Variants in RGS22 observed in about 807,000 individuals in gnomAD.
The protein encoded by RGS22 is regulator of G-protein signaling 22.
A neutral mutation model predicts 172.9 loss-of-function variants in RGS22; 148 were observed. That is an observed-to-expected ratio of 0.86 (90% CI 0.75 to 0.98). The LOEUF is 0.98. Ranked by LOEUF, RGS22 falls within the 50% of genes least tolerant of loss-of-function variation. The pLI is 0.00. For synonymous variants in RGS22, 458 were observed against 480.2 expected, an observed-to-expected ratio of 0.95 and a Z score of 0.60; for missense variants, 1,347 against 1,440.8, an observed-to-expected ratio of 0.93 and a Z score of 1.05.
chr8:100,012,061 A>C (rs1017622890), intron 14 of RGS22, among the ~76,000 whole-genome samples: 2 of 151,930 alleles, frequency 1.3e-5, no homozygotes, highest in Non-Finnish European at 2.9e-5. Context: ...GTTAGCTTAA[A>C]GACAGGAGAC....
intron 4 of RGS22, among the ~76,000 whole-genome samples, chr8:100,076,992 CA>C (rs1042538946): frequency 2.1e-5 from 3 of 141,738 alleles, no homozygotes; most frequent in Non-Finnish European, 4.6e-5. Context: ...GACCCTGTCT[CA>C]AAAAAAAAGA....
intron 14 of RGS22, among the ~76,000 whole-genome samples, chr8:100,011,397 C>T (rs996824744): frequency 6.6e-5 from 10 of 152,130 alleles, no homozygotes; most frequent in African/African-American, 2.2e-4. Flanking sequence ...AGCCTCTTAA[C>T]TGGTCTTCCC....
At chr8:100,027,187 G>A (rs966531873) in intron 14 of RGS22, among the ~76,000 whole-genome samples, 6 of 152,078 alleles carry the variant, frequency 3.9e-5, no homozygotes, top group African/African-American at 1.2e-4. Context: ...AGCCGTGATC[G>A]TGAGCCACTG....
chr8:100,103,307 G>C (rs1813649709), intron 2 of RGS22, among the ~76,000 whole-genome samples: 1 of 152,226 alleles, frequency 6.6e-6, no homozygotes, highest in African/African-American at 2.4e-5. Flanking sequence ...CCAAAGTCCA[G>C]ACCCAGGGTG....
At position 100,002,382 on chromosome 8, in the gene RGS22, A is replaced by C; in HGVS notation, c.2628-18T>G. The C allele has an allele frequency of 6.3e-7, 1 of 1,590,452 alleles. No homozygotes were observed. Among genetic ancestry groups the C allele is most frequent in the Non-Finnish European group, 8.5e-7 (1 of 1,173,384 alleles). On this transcript the variant is annotated intron_variant, in intron 17 of 27. Transcript: ENST00000360863. ...GATCCATGCTAAAATGAAAACAAAA[A>C]CAATGTATAGCTCTTCATATTTCTT...
chr8:100,056,059 C>T (rs576355457), intron 9 of RGS22, among the ~76,000 whole-genome samples: 3 of 152,004 alleles, frequency 2.0e-5, no homozygotes, highest in Non-Finnish European at 4.4e-5. Flanking sequence ...ATGGGATTGA[C>T]CAAAATGGTG....
At chr8:100,071,335 G>A in intron 6 of RGS22, 34 bp downstream of exon 6, 1 of 1,539,090 alleles carries the variant, frequency 6.5e-7, no homozygotes, top group Non-Finnish European at 8.8e-7. Flanking sequence ...TGTTAGTGAA[G>A]CGCTAAGTCA....
intron 4 of RGS22, among the ~76,000 whole-genome samples, chr8:100,073,722 A>AT (rs1194667222): frequency 1.3e-5 from 2 of 152,260 alleles, no homozygotes; most frequent in African/African-American, 4.8e-5. Flanking sequence ...TAAACCCTTA[A>AT]AGAATTCTAT....
In RGS22 at chr8:100,058,184, A is replaced by AC. The variant is rs1279844146; in HGVS notation, c.1514+4406_1514+4407insG. ...ACACAGAGGAGACAAAAAAAAAAAA[A>AC]AACAACAACAATAAAGCATGCCTAA... On this transcript the variant is annotated intron_variant, in intron 9 of 27. Transcript: ENST00000360863. Among the ~76,000 whole-genome samples, 696 of 149,726 alleles carry AC rather than the reference A, an allele frequency of 4.6e-3. 3 individuals carry two copies. The highest frequency in any genetic ancestry group is 6.2e-3 in the Non-Finnish European group (419 of 67,470).
intron 3 of RGS22, among the ~76,000 whole-genome samples, chr8:100,087,506 G>A (rs1812251509): frequency 2.0e-5 from 3 of 151,948 alleles, no homozygotes; most frequent in South Asian, 4.2e-4. Flanking sequence ...TTTGAAAAGG[G>A]GAGAGAAAAA....
chr8:100,003,867 T>A, intron 17 of RGS22, 59 bp downstream of exon 17: 1 of 1,386,670 alleles, frequency 7.2e-7, no homozygotes, highest in Non-Finnish European at 9.7e-7. Flanking sequence ...ATATGTTGAA[T>A]CAAAAATAGT....
chr8:100,057,057 T>A (rs1809696279), intron 9 of RGS22, among the ~76,000 whole-genome samples: 1 of 152,324 alleles, frequency 6.6e-6, no homozygotes, highest in South Asian at 2.1e-4. Context: ...TGAACCCACC[T>A]CTCAGATCAG....
intron 3 of RGS22, chr8:100,080,664 C>A: frequency 4.1e-6 from 1 of 241,262 alleles, no homozygotes; most frequent in Non-Finnish European, 8.0e-6. Context: ...CCTGGCTCTA[C>A]AAAGCAATGT....
At chr8:100,084,701 C>T (rs1233289805) in intron 3 of RGS22, among the ~76,000 whole-genome samples, 1 of 152,132 alleles carries the variant, frequency 6.6e-6, no homozygotes, top group East Asian at 1.9e-4. Context: ...ATAAAAGTGG[C>T]AAACAACTGT....
At chr8:100,062,195 G>A (rs970488753) in intron 9 of RGS22, among the ~76,000 whole-genome samples, 3 of 151,934 alleles carry the variant, frequency 2.0e-5, no homozygotes, top group African/African-American at 7.3e-5. Context: ...AATAACTAAT[G>A]GATATAAGGC....
chr8:100,003,992 C>T lies in RGS22; in HGVS notation c.2561G>A (p.Ser854Asn). The change falls in exon 17 of 28, where the codon AGT becomes AAT. Residue 854 changes from serine to asparagine, a missense_variant. Coordinates refer to ENST00000360863, the MANE Select transcript of RGS22 (RefSeq NM_015668.5). ...VPAEYKHFKFSDLLNNKLEFE... is the reference protein window; with the variant it reads ...VPAEYKHFKFNDLLNNKLEFE... ...CTCCAGTTTGTTGTTAAGCAGATCACTAAACTTAAAATGCTTGTATTCTGC... is the reference window on the plus strand; with the variant it reads ...CTCCAGTTTGTTGTTAAGCAGATCATTAAACTTAAAATGCTTGTATTCTGC... 1.9e-6 allele frequency: 3 copies of T among 1,612,256 alleles called. No individual in the cohort carries two copies. The South Asian group carries it at 3.3e-5, about 18-fold the overall frequency.
chr8:100,016,480 G>T (rs934528253), intron 14 of RGS22, among the ~76,000 whole-genome samples: 1 of 151,828 alleles, frequency 6.6e-6, no homozygotes, highest in African/African-American at 2.4e-5. Context: ...TAATCCTTAA[G>T]AATAATACAC....
intron 23 of RGS22, among the ~76,000 whole-genome samples, chr8:99,973,015 T>C (rs147215758): frequency 0.11 from 14,787 of 139,818 alleles, 1,019 homozygotes; most frequent in African/African-American, 0.2. Flanking sequence ...CAGGAAACAA[T>C]AGATGCTAGA....
At chr8:100,012,709 TAAC>T (rs1340358345) in intron 14 of RGS22, among the ~76,000 whole-genome samples, 1 of 152,050 alleles carries the variant, frequency 6.6e-6, no homozygotes, top group Non-Finnish European at 1.5e-5. Flanking sequence ...ATTATCAAAT[TAAC>T]AACATTTAAA....
Sources: gnomAD v4.1 joint callset for allele counts (sites outside exome capture counted in the v4.1 genomes callset) on GRCh38, gnomAD v4.1.1 for gene constraint, MANE v1.5 for transcripts, NCBI Gene and HGNC (gene_info 2026-07-23, HGNC 2026-07-21) for gene names.